Variants in LDLRAD3 observed in about 807,000 individuals in gnomAD.
LDLRAD3 encodes the protein low density lipoprotein receptor class A domain containing 3, also known as low-density lipoprotein receptor class A domain-containing protein 3.
In LDLRAD3, 20 loss-of-function variants were observed where a neutral mutation model predicts 29.4. The observed-to-expected ratio is 0.68, with a 90% CI of 0.48 to 0.99. The LOEUF is 0.99. Ranked by LOEUF, LDLRAD3 falls within the 50% of genes least tolerant of loss-of-function variation. The pLI, the probability that LDLRAD3 is intolerant of heterozygous loss-of-function variation, is 0.00. For synonymous variants in LDLRAD3, 157 were observed against 192.7 expected (o/e 0.81, Z 1.53); for missense variants, 420 against 454.3 (o/e 0.92, Z 0.69).
At chr11:36,221,375 A>C (rs1363929375) in intron 4 of LDLRAD3, among the ~76,000 whole-genome samples, 2 of 151,516 alleles carry the variant, frequency 1.3e-5, no homozygotes, top group Non-Finnish European at 1.5e-5. Context: ...CTCAAAAAAA[A>C]AAAAGAGGTC....
chr11:36,121,627 G>A (rs949762280), intron 4 of LDLRAD3, among the ~76,000 whole-genome samples: 3 of 152,216 alleles, frequency 2.0e-5, no homozygotes, highest in Admixed American at 6.5e-5. Flanking sequence ...AAGTAGTATC[G>A]CAAAAGAGAG....
chr11:36,048,124 T>A (rs1852478732), intron 2 of LDLRAD3, among the ~76,000 whole-genome samples: 1 of 152,194 alleles, frequency 6.6e-6, no homozygotes. Flanking sequence ...TGATCCAGGC[T>A]TTTTCAGGTG....
At chr11:36,216,699 G>C (rs1038983064) in intron 4 of LDLRAD3, among the ~76,000 whole-genome samples, 1 of 152,152 alleles carries the variant, frequency 6.6e-6, no homozygotes, top group Non-Finnish European at 1.5e-5. Flanking sequence ...AAAAAAGGAG[G>C]GGGGAAGGGG....
intron 1 of LDLRAD3, among the ~76,000 whole-genome samples, chr11:35,990,841 A>G (rs1238483079): frequency 2.0e-5 from 3 of 152,174 alleles, no homozygotes; most frequent in African/African-American, 7.2e-5. Flanking sequence ...AACTTTATAT[A>G]TGCAAAGACT....
chr11:36,084,761 A>G (rs1253144437), intron 3 of LDLRAD3, among the ~76,000 whole-genome samples: 2 of 152,214 alleles, frequency 1.3e-5, no homozygotes, highest in East Asian at 1.9e-4. Context: ...TGGGGCCTTC[A>G]TAATGGAGAG....
chr11:36,208,214 C>T (rs538535496), intron 4 of LDLRAD3, among the ~76,000 whole-genome samples: 1 of 152,260 alleles, frequency 6.6e-6, no homozygotes, highest in East Asian at 1.9e-4. Context: ...TTCCCCGTGG[C>T]CAAAGGTGAA....
At chr11:36,201,008 G>C (rs1413464051) in intron 4 of LDLRAD3, among the ~76,000 whole-genome samples, 1 of 152,194 alleles carries the variant, frequency 6.6e-6, no homozygotes, top group African/African-American at 2.4e-5. Context: ...AGTAACAGAG[G>C]GGGAGAAAGA....
At chr11:36,055,519 C>CA (rs1400490842) in intron 2 of LDLRAD3, among the ~76,000 whole-genome samples, 2 of 152,164 alleles carry the variant, frequency 1.3e-5, no homozygotes, top group African/African-American at 4.8e-5. Context: ...CATTTAATTC[C>CA]ATGGTGCTAG....
At chr11:36,128,219 T>C (rs1453040865) in intron 4 of LDLRAD3, among the ~76,000 whole-genome samples, 2 of 151,288 alleles carry the variant, frequency 1.3e-5, no homozygotes, top group Non-Finnish European at 3.0e-5. Context: ...ATACTGTGTG[T>C]AGGCAAACAA....
intron 4 of LDLRAD3, among the ~76,000 whole-genome samples, chr11:36,098,993 T>C (rs1853406584): frequency 7.3e-6 from 1 of 136,644 alleles, no homozygotes; most frequent in Admixed American, 7.5e-5. Context: ...TGCCCTATTT[T>C]TTTTTTCCCA....
chr11:36,154,300 G>A (rs1362646922), intron 4 of LDLRAD3, among the ~76,000 whole-genome samples: 3 of 152,180 alleles, frequency 2.0e-5, no homozygotes, highest in Non-Finnish European at 4.4e-5. Context: ...GATGTACCCA[G>A]CCTGCGGGTG....
At chr11:36,090,821 A>G (rs1853269223) in intron 3 of LDLRAD3, among the ~76,000 whole-genome samples, 1 of 152,202 alleles carries the variant, frequency 6.6e-6, no homozygotes, top group Non-Finnish European at 1.5e-5. Context: ...TACATAGGCT[A>G]CGTTCTGTCT....
intron 4 of LDLRAD3, among the ~76,000 whole-genome samples, chr11:36,160,524 A>G (rs1323175422): frequency 6.6e-6 from 1 of 152,064 alleles, no homozygotes; most frequent in Non-Finnish European, 1.5e-5. Flanking sequence ...CTGGGAGTTT[A>G]TCTTTCTTTT....
At chr11:36,179,393 G>A (rs1382471565) in intron 4 of LDLRAD3, among the ~76,000 whole-genome samples, 2 of 152,182 alleles carry the variant, frequency 1.3e-5, no homozygotes, top group African/African-American at 4.8e-5. Flanking sequence ...AGAATCACTT[G>A]AACCCAGGAG....
intron 2 of LDLRAD3, among the ~76,000 whole-genome samples, chr11:36,041,071 A>G (rs1852375512): frequency 6.6e-6 from 1 of 152,122 alleles, no homozygotes; most frequent in African/African-American, 2.4e-5. Context: ...CTTTGAGTAT[A>G]TTTCTGTTCT....
At chr11:35,945,186 T>A (rs1241845568) in intron 1 of LDLRAD3, among the ~76,000 whole-genome samples, 1 of 152,208 alleles carries the variant, frequency 6.6e-6, no homozygotes, top group Non-Finnish European at 1.5e-5. Context: ...ATAGCTGCCC[T>A]ATTTTGCCAA....
At chr11:36,204,785 G>T (rs573315084) in intron 4 of LDLRAD3, among the ~76,000 whole-genome samples, 2 of 152,156 alleles carry the variant, frequency 1.3e-5, no homozygotes, top group Non-Finnish European at 2.9e-5. Flanking sequence ...CACAGTGCCG[G>T]CCTGGAGTTT....
At chr11:36,226,053 C>T (rs1436935657) in intron 4 of LDLRAD3, among the ~76,000 whole-genome samples, 11 of 147,524 alleles carry the variant, frequency 7.5e-5, no homozygotes, top group Non-Finnish European at 1.0e-4. Flanking sequence ...GGTGACAGAG[C>T]GAGACCCTGT....
chr11:36,012,009 A>C (rs1465947940), intron 1 of LDLRAD3, among the ~76,000 whole-genome samples: 2 of 152,206 alleles, frequency 1.3e-5, no homozygotes, highest in Non-Finnish European at 2.9e-5. Flanking sequence ...ATTTTCTTCG[A>C]AAGTGATTTC....
Sources: allele counts gnomAD v4.1 joint callset (sites outside exome capture counted in the v4.1 genomes callset), GRCh38; gene constraint gnomAD v4.1.1; transcripts MANE v1.5; gene names NCBI Gene and HGNC (gene_info 2026-07-23, HGNC 2026-07-21).